NFIA: variants seen among roughly 807,000 people sequenced by gnomAD.
The protein encoded by NFIA is nuclear factor I A.
A neutral mutation model predicts 62.8 loss-of-function variants in NFIA; 8 were observed. That is an observed-to-expected ratio of 0.13 (90% CI 0.07 to 0.23). NFIA has a LOEUF of 0.23. Ranked by LOEUF, NFIA falls within the 10% of genes least tolerant of loss-of-function variation. The pLI, the probability that NFIA is intolerant of heterozygous loss-of-function variation, is 1.00. For missense variants in NFIA, 410 were observed against 642.1 expected (o/e 0.64, Z 3.91); for synonymous variants, 235 against 238.1 (o/e 0.99, Z 0.12).
At chr1:61,323,374 CAT>C (rs1273248240) in intron 3 of NFIA, among the ~76,000 whole-genome samples, 1 of 152,182 alleles carries the variant, frequency 6.6e-6, no homozygotes, top group Non-Finnish European at 1.5e-5. Context: ...AGTCCAACAC[CAT>C]ATGTCAACCT....
intron 2 of NFIA, among the ~76,000 whole-genome samples, chr1:61,262,038 G>A (rs1306439714): frequency 1.3e-5 from 2 of 152,110 alleles, no homozygotes; most frequent in Non-Finnish European, 2.9e-5. Flanking sequence ...ATGGTTACTT[G>A]AAAATGTTGA....
chr1:61,219,106 C>G (rs1053381372), intron 2 of NFIA, among the ~76,000 whole-genome samples: 2 of 151,672 alleles, frequency 1.3e-5, no homozygotes, highest in Non-Finnish European at 2.9e-5. Flanking sequence ...GTGGCGGGCA[C>G]CTATAATCCC....
intron 2 of NFIA, among the ~76,000 whole-genome samples, chr1:61,207,020 T>C (rs1479106974): frequency 6.6e-6 from 1 of 152,166 alleles, no homozygotes; most frequent in Non-Finnish European, 1.5e-5. Flanking sequence ...AGATGTCAAC[T>C]CCATGCAAAG....
At position 61,455,571 on chromosome 1, in the gene NFIA, A is replaced by G; in HGVS notation, c.*251A>G. On this transcript the variant is annotated 3_prime_UTR_variant, in exon 11 of 11. Coordinates refer to ENST00000403491, the MANE Select transcript of NFIA (RefSeq NM_001134673.4). The stretch of plus-strand genomic sequence containing the variant: ...TGTAATTTCTCATATGGTGCTGGAA[A>G]TGGTTGGGCTTTGTAACATTTGAAG... 5.4e-6 allele frequency: 3 copies of G among 559,742 alleles called. No individual in the cohort carries two copies. The highest frequency in any genetic ancestry group is 9.2e-6 in the Non-Finnish European group (3 of 324,916). 34.7% of individuals were successfully genotyped at this position (559,742 alleles called of 1,614,324 possible).
At chr1:61,304,954 A>G (rs1385523876) in intron 3 of NFIA, among the ~76,000 whole-genome samples, 1 of 152,232 alleles carries the variant, frequency 6.6e-6, no homozygotes, top group Non-Finnish European at 1.5e-5. Context: ...GAGGGTACTC[A>G]TCAAATGTTA....
chr1:61,209,706 G>C (rs1008551608), intron 2 of NFIA, among the ~76,000 whole-genome samples: 12 of 148,724 alleles, frequency 8.1e-5, no homozygotes, highest in African/African-American at 3.0e-4. Context: ...CAACAAATTA[G>C]CCAGGAATGG....
rs573491122 is a variant in NFIA, at chr1:61,118,167, A to G, written c.559+29487A>G. On this transcript the variant is annotated intron_variant, in intron 2 of 10. Transcript: ENST00000403491. The stretch of plus-strand genomic sequence containing the variant: ...ACCACTGCACTCCAGCCTGGGCAAC[A>G]GAGTGAGACTCTGTCTCAAAGAACA... Among the ~76,000 whole-genome samples, 7 of 150,506 alleles carry G rather than the reference A, an allele frequency of 4.7e-5. No homozygotes were observed. In the South Asian group the frequency reaches 1.5e-3, roughly 32 times the overall value.
intron 10 of NFIA, among the ~76,000 whole-genome samples, chr1:61,449,770 T>G (rs1052383643): frequency 2.6e-5 from 4 of 152,244 alleles, no homozygotes; most frequent in African/African-American, 9.6e-5. Context: ...CAGACTTTCT[T>G]TAATTAAGAA....
At chr1:61,106,566 A>C (rs1434819067) in intron 2 of NFIA, among the ~76,000 whole-genome samples, 1 of 151,890 alleles carries the variant, frequency 6.6e-6, no homozygotes, top group African/African-American at 2.4e-5. Context: ...TGGAAATCCA[A>C]ATGTATTTCT....
rs191591645 is a variant in NFIA, at chr1:61,090,185, A to T, written c.559+1505A>T. Among the ~76,000 whole-genome samples the T allele has an allele frequency of 4.4e-4, 67 of 152,330 alleles. 1 individual carries two copies. The highest frequency in any genetic ancestry group is 4.1e-3 in the East Asian group (21 of 5,184). ...CTGAAAAAGTAAAGTTAAAATTTTT[A>T]AAAAATGTGTCTGCATATGTTAAGC... is the stretch of plus-strand genomic sequence containing the variant. On this transcript the variant is annotated intron_variant, in intron 2 of 10. Coordinates refer to ENST00000403491, the MANE Select transcript of NFIA (RefSeq NM_001134673.4).
chr1:61,264,014 A>G (rs1355624274), intron 2 of NFIA, among the ~76,000 whole-genome samples: 3 of 152,146 alleles, frequency 2.0e-5, no homozygotes, highest in Admixed American at 6.5e-5. Context: ...GTAAACTTTT[A>G]TAAATGATAC....
At chr1:61,219,272 C>G (rs1653852331) in intron 2 of NFIA, among the ~76,000 whole-genome samples, 1 of 151,664 alleles carries the variant, frequency 6.6e-6, no homozygotes, top group Non-Finnish European at 1.5e-5. Flanking sequence ...TGCTTGCATA[C>G]TTTGTAAAAG....
intron 4 of NFIA, among the ~76,000 whole-genome samples, 164 bp from the exon 5 acceptor site, chr1:61,352,286 T>G (rs1662584502): frequency 6.6e-6 from 1 of 152,212 alleles, no homozygotes. Flanking sequence ...ATAGACTATT[T>G]TTAGTCAATA....
At chr1:61,177,924 A>G (rs373745024) in intron 2 of NFIA, among the ~76,000 whole-genome samples, 4 of 152,204 alleles carry the variant, frequency 2.6e-5, no homozygotes, top group Non-Finnish European at 4.4e-5. Context: ...ATGAAGATCT[A>G]TAGGAGACTT....
intron 2 of NFIA, among the ~76,000 whole-genome samples, chr1:61,231,100 G>C (rs1043372811): frequency 2.6e-5 from 4 of 152,302 alleles, no homozygotes; most frequent in Admixed American, 6.5e-5. Flanking sequence ...TCTCTAGCAT[G>C]TAGCTCAGTG....
At chr1:61,140,621 G>C (rs777851875) in intron 2 of NFIA, among the ~76,000 whole-genome samples, 1 of 151,932 alleles carries the variant, frequency 6.6e-6, no homozygotes, top group Non-Finnish European at 1.5e-5. Context: ...TGATAAAAGG[G>C]GCAAGAACAT....
upstream of NFIA, among the ~76,000 whole-genome samples, chr1:61,080,059 G>A (rs1483652574): frequency 6.6e-6 from 1 of 152,154 alleles, no homozygotes; most frequent in Non-Finnish European, 1.5e-5. Flanking sequence ...GGAGATAGGA[G>A]AGAAAGCAGG....
intron 9 of NFIA, among the ~76,000 whole-genome samples, chr1:61,424,347 C>G (rs149146342): frequency 4.3e-4 from 65 of 151,954 alleles, no homozygotes; most frequent in African/African-American, 1.3e-3. Flanking sequence ...TGACACCCCC[C>G]CCTCAACCCC....
At chr1:61,305,010 C>A (rs1488132334) in intron 3 of NFIA, among the ~76,000 whole-genome samples, 1 of 152,166 alleles carries the variant, frequency 6.6e-6, no homozygotes, top group Non-Finnish European at 1.5e-5. Flanking sequence ...GATTTCTATT[C>A]TCTTTTCAAG....
Sources: gnomAD v4.1 joint callset for allele counts (sites outside exome capture counted in the v4.1 genomes callset) on GRCh38, gnomAD v4.1.1 for gene constraint, MANE v1.5 for transcripts, NCBI Gene and HGNC (gene_info 2026-07-23, HGNC 2026-07-21) for gene names.